NREP: variants seen among roughly 807,000 people sequenced by gnomAD.
NREP encodes neuronal regeneration related protein.
In NREP, 5 loss-of-function variants were observed where a neutral mutation model predicts 8.6. That is an observed-to-expected ratio of 0.58 (90% CI 0.30 to 1.22). NREP has a LOEUF of 1.22. Among genes scored for constraint, NREP ranks in the 50% most tolerant of loss-of-function variants. The probability of loss-of-function intolerance (pLI) is 0.07; values close to 1 mark genes in which losing one functional copy is unlikely to be tolerated. For synonymous variants in NREP, 27 were observed against 28.0 expected (o/e 0.96, Z 0.11); for missense variants, 86 against 82.5 (o/e 1.04, Z -0.17).
Position 111,731,031 on chromosome 5 carries a change from G to A in NREP, c.97C>T (p.Pro33Ser). 1.2e-6 allele frequency: 2 copies of A among 1,613,776 alleles called. No homozygotes were observed. The highest frequency in any genetic ancestry group is 1.7e-6 in the Non-Finnish European group (2 of 1,179,800). Residue 33 changes from proline (P) to serine (S), a missense_variant, in exon 4 of 4, where the codon CCA (proline) becomes TCA (serine). By Grantham distance (74) the Pro-to-Ser change is moderately conservative. Transcript: ENST00000257435. ...TTCTTCTTGCGGTTCACTTCCTTTG[G>A]GACAGGAAGTCTTCCCTGCAAAGCA... ...GRLPKGRLPV[P>S]KEVNRKKNDE...
At chr5:111,912,442 C>A (rs977774640) in intron 2 of NREP, 11 of 152,092 alleles carry the variant, frequency 7.2e-5, no homozygotes, top group Non-Finnish European at 1.5e-5. Flanking sequence ...TGTATACACA[C>A]CTTGCCACTG....
At chr5:111,939,562 C>T (rs1755774171) in intron 2 of NREP, among the ~76,000 whole-genome samples, 1 of 150,740 alleles carries the variant, frequency 6.6e-6, no homozygotes, top group African/African-American at 2.4e-5. Context: ...CACAGTGTGG[C>T]AAAAAAAAAT....
intron 2 of NREP, among the ~76,000 whole-genome samples, chr5:111,889,763 G>A (rs1754349564): frequency 1.3e-5 from 2 of 152,204 alleles, no homozygotes; most frequent in Non-Finnish European, 2.9e-5. Context: ...TCACTTGGGT[G>A]CAAGTGGGCT....
At chr5:111,866,583 G>C (rs1030383576) in intron 2 of NREP, among the ~76,000 whole-genome samples, 1 of 152,182 alleles carries the variant, frequency 6.6e-6, no homozygotes, top group Admixed American at 6.5e-5. Flanking sequence ...GGAAGTCGGT[G>C]TGGCAATTCC....
At chr5:111,806,646 G>A (rs899068825) in intron 2 of NREP, among the ~76,000 whole-genome samples, 3 of 152,166 alleles carry the variant, frequency 2.0e-5, no homozygotes, top group Non-Finnish European at 4.4e-5. Context: ...AAGATATTAA[G>A]CATCGAATTC....
chr5:111,731,869 C>T (rs1452591757), intron 3 of NREP: 1 of 152,438 alleles, frequency 6.6e-6, no homozygotes, highest in African/African-American at 2.4e-5. Flanking sequence ...GAGGAGCTCT[C>T]CATCACAACC....
At chr5:111,775,940 T>C (rs920552704) in intron 2 of NREP, among the ~76,000 whole-genome samples, 1 of 152,174 alleles carries the variant, frequency 6.6e-6, no homozygotes, top group African/African-American at 2.4e-5. Flanking sequence ...TTTGCACTTA[T>C]GAAAATATTC....
chr5:111,831,736 T>C (rs1465829554), intron 2 of NREP, among the ~76,000 whole-genome samples: 1 of 152,194 alleles, frequency 6.6e-6, no homozygotes, highest in Admixed American at 6.5e-5. Flanking sequence ...TTTTAAAAAT[T>C]TGAGGTTCTA....
chr5:111,851,610 T>C (rs1753311937), intron 2 of NREP, among the ~76,000 whole-genome samples: 1 of 151,842 alleles, frequency 6.6e-6, no homozygotes, highest in African/African-American at 2.4e-5. Flanking sequence ...GTGCAGAGAG[T>C]AGAAGGGTGG....
At chr5:111,945,731 C>T (rs985644376) in intron 2 of NREP, among the ~76,000 whole-genome samples, 5 of 150,878 alleles carry the variant, frequency 3.3e-5, no homozygotes, top group African/African-American at 1.2e-4. Context: ...TACATGATAT[C>T]ATTAGGACAC....
intron 2 of NREP, among the ~76,000 whole-genome samples, chr5:111,740,090 T>C (rs1340302374): frequency 6.6e-6 from 1 of 152,150 alleles, no homozygotes; most frequent in African/African-American, 2.4e-5. Context: ...GTTTGAATTC[T>C]GGGGAAGTTT....
At chr5:111,941,525 AGT>A in intron 2 of NREP, among the ~76,000 whole-genome samples, 1 of 152,210 alleles carries the variant, frequency 6.6e-6, no homozygotes, top group South Asian at 2.1e-4. Flanking sequence ...CACTGTAAAC[AGT>A]GTGCAGTAAA....
At chr5:111,925,135 C>T (rs1373163068) in intron 2 of NREP, among the ~76,000 whole-genome samples, 1 of 152,118 alleles carries the variant, frequency 6.6e-6, no homozygotes, top group African/African-American at 2.4e-5. Context: ...GGTCTACCCT[C>T]CTTCCTTCAA....
intron 3 of NREP, chr5:111,733,187 T>TGGA (rs1748759242): frequency 6.6e-6 from 1 of 152,238 alleles, no homozygotes; most frequent in African/African-American, 2.4e-5. Context: ...CTACTATGGC[T>TGGA]GGAGTACTCT....
At chr5:111,818,287 CATA>C (rs1393671300) in intron 2 of NREP, among the ~76,000 whole-genome samples, 1 of 152,092 alleles carries the variant, frequency 6.6e-6, no homozygotes, top group South Asian at 2.1e-4. Flanking sequence ...CAATTTTAAA[CATA>C]ATAATTGTAA....
chr5:111,902,743 C>T lies in NREP; in HGVS notation c.135+72531G>A, dbSNP rs984129385. On this transcript the variant is annotated intron_variant, in intron 2 of 3. Transcript: ENST00000395634. The stretch of plus-strand genomic sequence containing the variant: ...CCAGGGAAAGCTTCACCAGAGAGTC[C>T]TCTTCCACCATGACAATGTTCCTGC... 9.9e-5 allele frequency among the ~76,000 whole-genome samples: 15 copies of T among 152,222 alleles called. No individual in the cohort carries two copies. The East Asian group carries it at 2.9e-3, about 29-fold the overall frequency.
chr5:111,970,979 A>G (rs1756800664), intron 2 of NREP, among the ~76,000 whole-genome samples: 1 of 152,178 alleles, frequency 6.6e-6, no homozygotes, highest in Non-Finnish European at 1.5e-5. Context: ...TGTTAAAAAT[A>G]TGAATTCCAA....
rs1234988885 is a variant in NREP at position 111,773,487 on chromosome 5, A to T, written c.136-37980T>A. On this transcript the variant is annotated intron_variant, in intron 2 of 3. Transcript: ENST00000395634. ...TCTTTGCTCAAGAAATTAGAAGATG[A>T]TTATTTATTCTACTGAGGATATTTA... Among the ~76,000 whole-genome samples, 11 of 152,316 alleles carry T rather than the reference A, an allele frequency of 7.2e-5. No individual in the cohort carries two copies. The South Asian group carries it at 2.1e-3, about 29-fold the overall frequency.
intron 2 of NREP, among the ~76,000 whole-genome samples, chr5:111,825,672 C>A (rs1752606144): frequency 6.6e-6 from 1 of 152,156 alleles, no homozygotes; most frequent in African/African-American, 2.4e-5. Context: ...CAGTTCACAT[C>A]ATGAACTACT....
Sources: gnomAD v4.1 joint callset for allele counts (sites outside exome capture counted in the v4.1 genomes callset) on GRCh38, gnomAD v4.1.1 for gene constraint, MANE v1.5 for transcripts, NCBI Gene and HGNC (gene_info 2026-07-23, HGNC 2026-07-21) for gene names.